The following USP13 variants were observed in gnomAD, a reference collection of about 807,000 sequenced individuals.
USP13 encodes ubiquitin specific peptidase 13.
Under a neutral mutation model 107.8 loss-of-function variants are expected in USP13, and 68 were observed. That is an observed-to-expected ratio of 0.63 (90% confidence interval 0.52 to 0.77). The LOEUF is 0.77. Among genes scored for constraint, USP13 ranks in the 30% least tolerant of loss-of-function variants. USP13 has a pLI of 0.00. For missense variants in USP13, 945 were observed against 1,093.3 expected (o/e 0.86, Z 1.91); for synonymous variants, 377 against 389.5 (o/e 0.97, Z 0.38).
intron 15 of USP13, among the ~76,000 whole-genome samples, 172 bp downstream of exon 15, chr3:179,755,026 A>G (rs1714741042): frequency 6.6e-6 from 1 of 152,036 alleles, no homozygotes; most frequent in Non-Finnish European, 1.5e-5. Context: ...CTGCAATGGT[A>G]AACATAAAAT....
chr3:179,730,773 C>T, intron 10 of USP13, 64 bp downstream of exon 10: 2 of 1,499,798 alleles, frequency 1.3e-6, no homozygotes, highest in African/African-American at 1.4e-5. Flanking sequence ...ATGTGGGTTT[C>T]CTATGATTTG....
intron 17 of USP13, among the ~76,000 whole-genome samples, chr3:179,763,116 A>G (rs1306810157): frequency 1.3e-5 from 2 of 152,196 alleles, no homozygotes; most frequent in Admixed American, 6.5e-5. Context: ...TACAAATTCC[A>G]GATACGAGTT....
At chr3:179,701,323 A>G (rs1576935823) in intron 4 of USP13, among the ~76,000 whole-genome samples, 194 bp downstream of exon 4, 1 of 152,268 alleles carries the variant, frequency 6.6e-6, no homozygotes, top group Admixed American at 6.5e-5. Context: ...CTTACATTTC[A>G]GTAGTGCTGG....
chr3:179,670,111 C>A (rs1282134805), intron 1 of USP13, among the ~76,000 whole-genome samples: 1 of 152,204 alleles, frequency 6.6e-6, no homozygotes, highest in East Asian at 1.9e-4. Context: ...TTTGCACATG[C>A]TTTTGCATCT....
At chr3:179,679,027 GGA>G (rs1475063797) in intron 1 of USP13, among the ~76,000 whole-genome samples, 1 of 152,042 alleles carries the variant, frequency 6.6e-6, no homozygotes, top group Admixed American at 6.6e-5. Context: ...TGCTACAGTA[GGA>G]GGCACATACT....
intron 3 of USP13, among the ~76,000 whole-genome samples, chr3:179,693,846 G>GT (rs1712193969): frequency 6.6e-6 from 1 of 151,304 alleles, no homozygotes; most frequent in African/African-American, 2.4e-5. Flanking sequence ...GCTAATTTTT[G>GT]TATTTTTTTT....
intron 1 of USP13, among the ~76,000 whole-genome samples, chr3:179,670,939 C>T (rs994956502): frequency 5.3e-5 from 8 of 152,010 alleles, no homozygotes; most frequent in Non-Finnish European, 1.0e-4. Flanking sequence ...TCAGGTGATC[C>T]GTCTGTCTCG....
chr3:179,711,020 T>G (rs980653085), intron 6 of USP13, among the ~76,000 whole-genome samples: 1 of 152,204 alleles, frequency 6.6e-6, no homozygotes, highest in African/African-American at 2.4e-5. Context: ...CCTCGGACTT[T>G]AGTGTTCACT....
chr3:179,707,860 G>T (rs1712779210), intron 5 of USP13, among the ~76,000 whole-genome samples: 1 of 152,214 alleles, frequency 6.6e-6, no homozygotes, highest in South Asian at 2.1e-4. Context: ...CTTTGGAAAC[G>T]AGAGTTACTT....
At chr3:179,727,163 GTTTTTT>G (rs528617941) in intron 8 of USP13, among the ~76,000 whole-genome samples, 30 of 114,358 alleles carry the variant, frequency 2.6e-4, no homozygotes, top group Admixed American at 7.1e-4. Flanking sequence ...AATTTTTAAT[GTTTTTT>G]TTTTTTTTTT....
intron 4 of USP13, among the ~76,000 whole-genome samples, chr3:179,704,215 G>A (rs1476022436): frequency 2.6e-5 from 4 of 152,110 alleles, no homozygotes; most frequent in Non-Finnish European, 5.9e-5. Context: ...AGGATGTTTT[G>A]TTGGTTGTCA....
rs1411586786 is a variant in USP13 at position 179,740,342 on chromosome 3, ATTC to A, written c.1356_1358del (p.Phe452del). Reference sequence around the variant, plus strand: ...CTAACAGGCAGCAAGATGCCCAGGAATTCTTCTTGCACCTGGTGAATCTAGTAG... The same window carrying A: ...CTAACAGGCAGCAAGATGCCCAGGAATTCTTGCACCTGGTGAATCTAGTAG... On this transcript the variant is annotated inframe_deletion, in exon 11 of 21. Coordinates refer to ENST00000263966, the MANE Select transcript of USP13 (RefSeq NM_003940.3). 2 of 1,614,144 alleles carry A rather than the reference ATTC, an allele frequency of 1.2e-6. No homozygotes were observed. Among genetic ancestry groups the A allele is most frequent in the Admixed American group, 1.7e-5 (1 of 60,008 alleles).
In USP13 at chr3:179,742,367, G is replaced by T. The variant is rs750053586; in HGVS notation, c.1534+17G>T. On this transcript the variant is annotated intron_variant, in intron 12 of 20. Transcript: ENST00000263966. The surrounding 1 kb of genome is among the most constrained non-coding windows in gnomAD (Gnocchi z 5.0). The stretch of plus-strand genomic sequence containing the variant: ...CCAACAAGGGTAACAATTCCAAAGC[G>T]GGAAATTGGTACTGTGTGTCTTCAT... 1.2e-5 allele frequency: 19 copies of T among 1,613,826 alleles called. No homozygotes were observed. The highest frequency in any genetic ancestry group is 1.6e-4 in the Middle Eastern group (1 of 6,084).
Position 179,707,048 on chromosome 3 carries a change from C to A in USP13, c.592C>A (p.Leu198Met), listed in dbSNP as rs1712746468. The change falls in exon 5 of 21, where the codon CTG (leucine) becomes ATG (methionine). Residue 198 changes from leucine (L) to methionine (M), a missense_variant. Transcript: ENST00000263966. Reference protein sequence around the residue: ...VSKYANNLTQLDNGVRIPPSG... With the variant: ...VSKYANNLTQMDNGVRIPPSG... ...TAAATATGCCAACAACCTCACCCAG[C>A]TGGACAATGGAGTCAGGATTCCTCC... The A allele has an allele frequency of 6.2e-7, 1 of 1,613,968 alleles. No individual in the cohort carries two copies. The highest frequency in any genetic ancestry group is 1.1e-5 in the South Asian group (1 of 91,070).
intron 8 of USP13, among the ~76,000 whole-genome samples, chr3:179,722,255 G>C (rs1713352318): frequency 6.6e-6 from 1 of 152,084 alleles, no homozygotes; most frequent in African/African-American, 2.4e-5. Context: ...TCTGGTTAGT[G>C]TCTCTCTTGT....
intron 2 of USP13, among the ~76,000 whole-genome samples, chr3:179,682,717 A>G (rs1056804903): frequency 2.7e-4 from 41 of 152,136 alleles, no homozygotes; most frequent in Admixed American, 2.0e-3. Flanking sequence ...TTCTTCTCGT[A>G]TTGATGAACA....
At chr3:179,668,972 C>T (rs895294153) in intron 1 of USP13, among the ~76,000 whole-genome samples, 1 of 152,152 alleles carries the variant, frequency 6.6e-6, no homozygotes, top group Non-Finnish European at 1.5e-5. Context: ...GTCTTTCATT[C>T]GGACATGGAA....
At chr3:179,711,903 A>G (rs1205591771) in intron 6 of USP13, among the ~76,000 whole-genome samples, 8 of 152,224 alleles carry the variant, frequency 5.3e-5, no homozygotes, top group Non-Finnish European at 7.3e-5. Context: ...ACGTAAAACC[A>G]TATGTGCTAT....
intron 20 of USP13, among the ~76,000 whole-genome samples, 157 bp downstream of exon 20, chr3:179,781,980 C>T (rs543702472): frequency 2.4e-4 from 36 of 151,890 alleles, no homozygotes; most frequent in African/African-American, 8.0e-4. Flanking sequence ...ATCAAGACAC[C>T]GAGACTCAGG....
Sources: gnomAD v4.1 joint callset for allele counts (sites outside exome capture counted in the v4.1 genomes callset) on GRCh38, gnomAD v4.1.1 for gene constraint, Gnocchi (gnomAD v3.1) non-coding constraint, MANE v1.5 for transcripts, NCBI Gene and HGNC (gene_info 2026-07-23, HGNC 2026-07-21) for gene names.